DYM: variants seen among roughly 807,000 people sequenced by gnomAD.
The protein encoded by DYM is dymeclin, also known as dyggve-Melchior-Clausen syndrome protein.
A neutral mutation model predicts 93.1 loss-of-function variants in DYM; 78 were observed. That is an observed-to-expected ratio of 0.84 (90% confidence interval 0.70 to 1.01). The LOEUF (loss-of-function observed/expected upper bound fraction) is 1.01, where lower values mean the gene tolerates loss of function less well. Ranked by LOEUF, DYM falls within the 50% of genes least tolerant of loss-of-function variation. DYM has a pLI of 0.00. For synonymous variants in DYM, 321 were observed against 319.7 expected, an observed-to-expected ratio of 1.00 and a Z score of -0.04; for missense variants, 789 against 845.0, an observed-to-expected ratio of 0.93 and a Z score of 0.82.
At chr18:49,355,661 C>T (rs74461498) in intron 6 of DYM, among the ~76,000 whole-genome samples, 13,877 of 152,076 alleles carry the variant, frequency 0.091, 856 homozygotes, top group East Asian at 0.31. Flanking sequence ...GTGCAGAAGG[C>T]TATATGTGTG....
intron 8 of DYM, among the ~76,000 whole-genome samples, chr18:49,317,594 TCTCCCCCCTCCCC>T (rs2062058190): frequency 3.6e-5 from 1 of 28,042 alleles, no homozygotes; most frequent in African/African-American, 1.7e-4. Context: ...TCTCTCTCTC[TCTCCCCCCTCCCC>T]CCTCCCTCCC....
chr18:49,162,834 G>T (rs937253834), intron 15 of DYM, among the ~76,000 whole-genome samples: 2 of 152,196 alleles, frequency 1.3e-5, no homozygotes, highest in African/African-American at 4.8e-5. Flanking sequence ...CACAAGGTTG[G>T]AGGGAAGAAG....
chr18:49,047,292 A>G (rs1472652834), intron 17 of DYM, among the ~76,000 whole-genome samples: 1 of 152,214 alleles, frequency 6.6e-6, no homozygotes, highest in Admixed American at 6.5e-5. Flanking sequence ...GTGCCTTTTC[A>G]GACCATCAGT....
rs746050877 is a variant in DYM, at chr18:49,286,595, G to A, written c.785C>T (p.Thr262Ile). 15 of 1,613,878 alleles carry A rather than the reference G, an allele frequency of 9.3e-6. No individual in the cohort carries two copies. The highest frequency in any genetic ancestry group is 1.7e-5 in the Admixed American group (1 of 59,988). ...GVATGLWTVF[T>I]LGGVGSKAAA... The stretch of plus-strand genomic sequence containing the variant: ...CGCTTTGCTGCCCACACCACCTAGT[G>A]TGAAGACAGTCCAGAGTCCTGCTGG... The change falls in exon 9 of 18, where the codon ACA becomes ATA. Residue 262 changes from threonine to isoleucine, a missense_variant. Physicochemically the swap from Thr to Ile is moderately conservative, Grantham distance 89. Coordinates refer to ENST00000675505, the MANE Select transcript of DYM (RefSeq NM_001353214.3).
At chr18:49,230,496 C>G (rs1019652277) in intron 13 of DYM, among the ~76,000 whole-genome samples, 1 of 152,120 alleles carries the variant, frequency 6.6e-6, no homozygotes, top group African/African-American at 2.4e-5. Flanking sequence ...CAAGTGTTTC[C>G]TGCCATGACA....
At chr18:49,337,870 T>TA (rs1173165042) in intron 6 of DYM, among the ~76,000 whole-genome samples, 1 of 151,940 alleles carries the variant, frequency 6.6e-6, no homozygotes, top group East Asian at 1.9e-4. Flanking sequence ...GGAAGGGCAT[T>TA]AAAGTGAAGA....
At chr18:49,355,083 T>C (rs1238886524) in intron 6 of DYM, among the ~76,000 whole-genome samples, 5 of 151,840 alleles carry the variant, frequency 3.3e-5, no homozygotes, top group Admixed American at 2.6e-4. Flanking sequence ...TCTAATCCCA[T>C]AGAATATAAA....
intron 10 of DYM, among the ~76,000 whole-genome samples, chr18:49,279,878 G>A (rs1450853345): frequency 6.6e-6 from 1 of 152,082 alleles, no homozygotes; most frequent in Non-Finnish European, 1.5e-5. Context: ...TGTTCTTAGT[G>A]TCAATCTGAT....
intron 15 of DYM, among the ~76,000 whole-genome samples, chr18:49,126,756 CCA>C (rs1317058575): frequency 2.0e-5 from 3 of 151,966 alleles, no homozygotes; most frequent in Non-Finnish European, 4.4e-5. Flanking sequence ...TCCAAAACAT[CCA>C]CAAACATATT....
Position 49,053,969 on chromosome 18 carries a change from C to T in DYM, c.2026-9765G>A, listed in dbSNP as rs566351310. 1.8e-3 allele frequency among the ~76,000 whole-genome samples: 268 copies of T among 152,200 alleles called. 1 individual carries two copies. Among genetic ancestry groups the T allele is most frequent in the Non-Finnish European group, 1.6e-3 (111 of 67,998 alleles). On this transcript the variant is annotated intron_variant, in intron 17 of 17. Transcript: ENST00000675505. The stretch of plus-strand genomic sequence containing the variant: ...ATGGGAGGTGGGTGGTGCTCCCGGA[C>T]GATGCTCTCCCAGGTAGTTCTGGCG...
intron 13 of DYM, among the ~76,000 whole-genome samples, chr18:49,255,686 A>AAAGAAG (rs1181630227): frequency 6.6e-6 from 1 of 151,050 alleles, no homozygotes; most frequent in Non-Finnish European, 1.5e-5. Flanking sequence ...AAAAAAAAAA[A>AAAGAAG]AAGAAGAAGA....
chr18:49,102,748 T>A (rs2080307492), intron 16 of DYM, among the ~76,000 whole-genome samples: 1 of 152,198 alleles, frequency 6.6e-6, no homozygotes, highest in African/African-American at 2.4e-5. Flanking sequence ...CATGAACTCA[T>A]CCTTTTTTAT....
chr18:49,251,694 G>A (rs561086761), intron 13 of DYM, among the ~76,000 whole-genome samples: 9 of 152,138 alleles, frequency 5.9e-5, no homozygotes, highest in African/African-American at 1.2e-4. Context: ...TGCCGCTCCC[G>A]TCTTACAGAT....
intron 16 of DYM, among the ~76,000 whole-genome samples, chr18:49,112,049 G>T (rs1008292906): frequency 6.6e-6 from 1 of 151,446 alleles, no homozygotes; most frequent in East Asian, 1.9e-4. Flanking sequence ...TATCTTTTAC[G>T]TGCAATAATG....
At position 49,197,226 on chromosome 18, in the gene DYM, T is replaced by G. The variant is rs80137419; in HGVS notation, c.1625+12325A>C. 3.0e-3 allele frequency among the ~76,000 whole-genome samples: 458 copies of G among 152,252 alleles called. 3 individuals carry two copies. The highest frequency in any genetic ancestry group is 0.01 in the African/African-American group (423 of 41,542). ...ACTATCAATTTGGAACATATTGGCA[T>G]GTGGATGTCATGTAAAGTCATAGAA... On this transcript the variant is annotated intron_variant, in intron 14 of 17. Transcript: ENST00000675505.
intron 2 of DYM, among the ~76,000 whole-genome samples, chr18:49,406,793 A>G (rs1253331492): frequency 3.9e-5 from 6 of 152,258 alleles, no homozygotes; most frequent in African/African-American, 1.2e-4. Flanking sequence ...GCAATTTCCT[A>G]TAAGGCTAAA....
intron 16 of DYM, among the ~76,000 whole-genome samples, chr18:49,114,962 G>A (rs1714454517): frequency 6.6e-6 from 1 of 152,202 alleles, no homozygotes; most frequent in African/African-American, 2.4e-5. Flanking sequence ...TAGTGAATGT[G>A]TATAGTGGTT....
intron 15 of DYM, among the ~76,000 whole-genome samples, chr18:49,132,290 TG>T (rs1193824051): frequency 6.6e-6 from 1 of 152,138 alleles, no homozygotes; most frequent in Non-Finnish European, 1.5e-5. Context: ...TAATGAGATA[TG>T]GGGGTTCATT....
chr18:49,116,296 C>A (rs2081917128), intron 16 of DYM: 1 of 152,176 alleles, frequency 6.6e-6, no homozygotes, highest in South Asian at 2.1e-4. Flanking sequence ...TTCTAGAGAA[C>A]TGAGCTAGAA....
Sources: allele counts gnomAD v4.1 joint callset (sites outside exome capture counted in the v4.1 genomes callset), GRCh38; gene constraint gnomAD v4.1.1; transcripts MANE v1.5; gene names NCBI Gene and HGNC (gene_info 2026-07-23, HGNC 2026-07-21).